OLFM3: variants seen among roughly 807,000 people sequenced by gnomAD.
OLFM3 encodes noelin-3.
Under a neutral mutation model 48.6 loss-of-function variants are expected in OLFM3, and 20 were observed. The ratio of observed to expected loss-of-function variants is 0.41; its 90% CI spans 0.29 to 0.60. The LOEUF is 0.60. Among genes scored for constraint, OLFM3 ranks in the 20% least tolerant of loss-of-function variants. The pLI, the probability that OLFM3 is intolerant of heterozygous loss-of-function variation, is 0.28. For missense variants in OLFM3, 437 were observed against 544.3 expected, an observed-to-expected ratio of 0.80 and a Z score of 1.96; for synonymous variants, 222 against 198.1, an observed-to-expected ratio of 1.12 and a Z score of -1.01.
chr1:101,991,016 A>AAAATATATATATAT (rs1553186119), intron 1 of OLFM3, among the ~76,000 whole-genome samples: 2 of 32,200 alleles, frequency 6.2e-5, no homozygotes, highest in Non-Finnish European at 5.2e-5. Context: ...AAAAAAAAAA[A>AAAATATATATATAT]ATATATATAT....
chr1:101,917,589 A>G (rs772148629), intron 1 of OLFM3, among the ~76,000 whole-genome samples: 16 of 151,942 alleles, frequency 1.1e-4, no homozygotes, highest in Non-Finnish European at 1.8e-4. Flanking sequence ...ACTAATCTTT[A>G]TATTTTTAGT....
intron 1 of OLFM3, among the ~76,000 whole-genome samples, chr1:101,892,723 T>C (rs924991810): frequency 6.6e-6 from 1 of 152,068 alleles, no homozygotes; most frequent in African/African-American, 2.4e-5. Context: ...GCCACCATTG[T>C]GGCTGATGCC....
At chr1:101,900,715 T>G (rs1452280199) in intron 1 of OLFM3, among the ~76,000 whole-genome samples, 1 of 151,472 alleles carries the variant, frequency 6.6e-6, no homozygotes, top group Non-Finnish European at 1.5e-5. Flanking sequence ...TATGAAAGAG[T>G]TGAATTTGGG....
intron 1 of OLFM3, among the ~76,000 whole-genome samples, chr1:101,944,455 G>A (rs959421447): frequency 6.6e-6 from 1 of 152,140 alleles, no homozygotes; most frequent in Non-Finnish European, 1.5e-5. Context: ...GCTTAAAGGA[G>A]GGGCTTAACT....
At position 101,893,489 on chromosome 1, in the gene OLFM3, G is replaced by C. The variant is rs1658081326; in HGVS notation, c.70-56464C>G. ...TTGACAAAAGCATGAAAGATGGCCA[G>C]AAAATAACATCTCATGATGAAAGAG... On this transcript the variant is annotated intron_variant, in intron 1 of 5. Transcript: ENST00000370103. The C allele has an allele frequency of 2.0e-5, 6 of 293,638 alleles. No individual in the cohort carries two copies. In the Admixed American group the frequency reaches 2.2e-4, roughly 11 times the overall value. The allele number at this position is 293,638 out of a possible 1,614,324, so 18.2% of individuals were successfully genotyped here.
chr1:101,956,714 TTAG>T (rs1206131251), intron 1 of OLFM3, among the ~76,000 whole-genome samples: 6 of 151,832 alleles, frequency 4.0e-5, no homozygotes, highest in African/African-American at 9.7e-5. Flanking sequence ...TGAATAGCAC[TTAG>T]TAGTTCTTCA....
intron 4 of OLFM3, among the ~76,000 whole-genome samples, chr1:101,811,322 C>T (rs761997911): frequency 9.2e-5 from 14 of 151,874 alleles, no homozygotes; most frequent in Middle Eastern, 3.4e-3. Flanking sequence ...TTTTAGATGG[C>T]CAAACTAATG....
intron 3 of OLFM3, among the ~76,000 whole-genome samples, chr1:101,825,886 G>A (rs779187808): frequency 4.6e-5 from 7 of 152,150 alleles, no homozygotes; most frequent in Admixed American, 1.3e-4. Flanking sequence ...TTCAGTAAGT[G>A]TTATAAATCA....
chr1:101,856,754 A>G (rs1467825957), intron 1 of OLFM3, among the ~76,000 whole-genome samples: 1 of 151,982 alleles, frequency 6.6e-6, no homozygotes, highest in Non-Finnish European at 1.5e-5. Context: ...TTGGGGCAGG[A>G]ACTGTACTAT....
At chr1:101,934,487 C>G (rs576057177) in intron 1 of OLFM3, among the ~76,000 whole-genome samples, 13 of 152,064 alleles carry the variant, frequency 8.5e-5, no homozygotes, top group Non-Finnish European at 1.6e-4. Flanking sequence ...TCTTAGAGAT[C>G]TATGAAGAGA....
intron 1 of OLFM3, among the ~76,000 whole-genome samples, chr1:101,851,846 G>C (rs1656230708): frequency 6.6e-6 from 1 of 152,018 alleles, no homozygotes; most frequent in African/African-American, 2.4e-5. Context: ...CAGTTGTTTT[G>C]GACAATCATG....
intron 3 of OLFM3, 109 bp downstream of exon 3, chr1:101,830,563 C>T (rs1474279492): frequency 3.5e-6 from 4 of 1,154,756 alleles, no homozygotes; most frequent in East Asian, 4.7e-5. Context: ...GAGTCTTTTA[C>T]CTTGCACATA....
At position 101,968,230 on chromosome 1, in the gene OLFM3, A is replaced by G. The variant is rs189444232; in HGVS notation, c.69+28518T>C. 7.4e-4 allele frequency among the ~76,000 whole-genome samples: 113 copies of G among 152,280 alleles called. 1 individual carries two copies. Among genetic ancestry groups the G allele is most frequent in the Non-Finnish European group, 1.5e-3 (100 of 68,000 alleles). Reference sequence around the variant, plus strand: ...ATGAGTTCATAGCTTCTCTACCTACATGATGCATTTGGCACTAGTTTGAAT... The same window carrying G: ...ATGAGTTCATAGCTTCTCTACCTACGTGATGCATTTGGCACTAGTTTGAAT... On this transcript the variant is annotated intron_variant, in intron 1 of 5. Coordinates refer to ENST00000370103, the MANE Select transcript of OLFM3 (RefSeq NM_058170.4).
chr1:101,882,641 GGTTGCTATAA>G (rs1470147451), intron 1 of OLFM3: 2 of 151,760 alleles, frequency 1.3e-5, no homozygotes, highest in African/African-American at 4.8e-5. Context: ...AGTGAGAGAT[GGTTGCTATAA>G]GTTTGACATC....
intron 1 of OLFM3, among the ~76,000 whole-genome samples, chr1:101,898,268 C>T (rs1172346748): frequency 6.6e-6 from 1 of 152,142 alleles, no homozygotes. Flanking sequence ...GTAATATAAT[C>T]TCCTTTTGAC....
At chr1:101,837,139 C>T (rs1655463056) in intron 1 of OLFM3, 114 bp from the exon 2 acceptor site, 3 of 1,098,748 alleles carry the variant, frequency 2.7e-6, no homozygotes, top group East Asian at 5.2e-5. Flanking sequence ...TTTGTGTTTT[C>T]AATCTTTAAA....
chr1:101,913,251 T>C (rs1378508882), intron 1 of OLFM3, among the ~76,000 whole-genome samples: 2 of 152,174 alleles, frequency 1.3e-5, no homozygotes, highest in African/African-American at 4.8e-5. Context: ...ACATCAGACA[T>C]TTTAATTGAA....
chr1:101,925,828 C>T (rs1659254962), intron 1 of OLFM3, among the ~76,000 whole-genome samples: 1 of 152,108 alleles, frequency 6.6e-6, no homozygotes, highest in Non-Finnish European at 1.5e-5. Context: ...CTGTGCCTGG[C>T]CTATATCTGT....
chr1:101,911,260 G>T (rs1208585434), intron 1 of OLFM3, among the ~76,000 whole-genome samples: 1 of 151,850 alleles, frequency 6.6e-6, no homozygotes, highest in Non-Finnish European at 1.5e-5. Flanking sequence ...AGGAAGGAAG[G>T]GTAGCAGAAT....
Sources: gnomAD v4.1 joint callset for allele counts (sites outside exome capture counted in the v4.1 genomes callset) on GRCh38, gnomAD v4.1.1 for gene constraint, MANE v1.5 for transcripts, NCBI Gene and HGNC (gene_info 2026-07-23, HGNC 2026-07-21) for gene names.